The following DUSP16 variants were observed in gnomAD, a reference collection of about 807,000 sequenced individuals.
DUSP16 encodes the protein dual specificity protein phosphatase 16.
DUSP16 carries 21 observed loss-of-function variants against 58.3 expected under a neutral mutation model. The ratio of observed to expected loss-of-function variants is 0.36; its 90% CI spans 0.26 to 0.52. DUSP16 has a LOEUF of 0.52. DUSP16 is among the 20% of genes least tolerant of loss of function. DUSP16 has a pLI of 0.94. For missense variants in DUSP16, 726 were observed against 819.0 expected, an observed-to-expected ratio of 0.89 and a Z score of 1.39; for synonymous variants, 320 against 323.8, an observed-to-expected ratio of 0.99 and a Z score of 0.12.
chr12:12,526,692 C>T (rs922999795), intron 1 of DUSP16, among the ~76,000 whole-genome samples: 22 of 152,174 alleles, frequency 1.4e-4, no homozygotes, highest in African/African-American at 5.1e-4. Context: ...GGATCTTCTT[C>T]TGCTTCCCAG....
chr12:12,561,505 C>G (rs1944902035), intron 1 of DUSP16, among the ~76,000 whole-genome samples: 1 of 152,186 alleles, frequency 6.6e-6, no homozygotes, highest in African/African-American at 2.4e-5. Context: ...CGTTTTGCAG[C>G]TAGTGTAAAT....
chr12:12,503,176 T>C (rs1315794850), intron 3 of DUSP16, among the ~76,000 whole-genome samples: 4 of 152,098 alleles, frequency 2.6e-5, no homozygotes, highest in Non-Finnish European at 5.9e-5. Context: ...CAAAAGTATT[T>C]TGTGCCTGGC....
Position 12,500,456 on chromosome 12 carries a change from A to G in DUSP16, c.531+63T>C, listed in dbSNP as rs1366774345. The stretch of plus-strand genomic sequence containing the variant: ...GTGTGTTTCAAATGACATAATGGGT[A>G]ACTGCTGTTTCTCCAGCTAACAATA... On this transcript the variant is annotated intron_variant, in intron 4 of 6. Coordinates refer to ENST00000298573, the MANE Select transcript of DUSP16 (RefSeq NM_030640.3). 2.0e-6 allele frequency: 3 copies of G among 1,501,990 alleles called. No individual in the cohort carries two copies. In the East Asian group the frequency reaches 7.4e-5, roughly 37 times the overall value. 93.0% of individuals were successfully genotyped at this position (1,501,990 alleles called of 1,614,324 possible).
At chr12:12,520,122 T>C (rs916278951) in intron 2 of DUSP16, 122 bp from the exon 3 acceptor site, 1 of 1,036,446 alleles carries the variant, frequency 9.6e-7, no homozygotes, top group African/African-American at 1.6e-5. Flanking sequence ...CAATTAATAA[T>C]TTGAATAAAA....
chr12:12,478,076 T>C, intron 6 of DUSP16, 61 bp from the exon 7 acceptor site: 1 of 1,341,538 alleles, frequency 7.5e-7, no homozygotes, highest in Non-Finnish European at 1.0e-6. Context: ...CTTAAGAATA[T>C]TAAGTGAATA....
At chr12:12,547,026 T>C (rs769893828) in intron 1 of DUSP16, among the ~76,000 whole-genome samples, 1 of 152,194 alleles carries the variant, frequency 6.6e-6, no homozygotes, top group Non-Finnish European at 1.5e-5. Context: ...GGACAACAAA[T>C]AAATCAGTTT....
Position 12,497,657 on chromosome 12 carries a change from G to T in DUSP16, c.531+2862C>A, listed in dbSNP as rs532436013. Among the ~76,000 whole-genome samples the T allele has an allele frequency of 8.9e-4, 128 of 144,610 alleles. 1 individual carries two copies. Among genetic ancestry groups the T allele is most frequent in the Admixed American group, 3.7e-3 (51 of 13,852 alleles). The allele number at this position is 144,610 out of a possible 152,430, so 94.9% of individuals were successfully genotyped here. ...GACATGCTTCTAACATATTTTGGTG[G>T]CACTTCATTTAAAAAAAAAAAAAAG... is the stretch of plus-strand genomic sequence containing the variant. On this transcript the variant is annotated intron_variant, in intron 4 of 6. Coordinates refer to ENST00000298573, the MANE Select transcript of DUSP16 (RefSeq NM_030640.3).
intron 3 of DUSP16, among the ~76,000 whole-genome samples, chr12:12,517,041 C>T (rs111365151): frequency 6.6e-6 from 1 of 152,210 alleles, no homozygotes; most frequent in Non-Finnish European, 1.5e-5. Flanking sequence ...AGGAAAAGAG[C>T]TCGTTAAGAT....
intron 1 of DUSP16, among the ~76,000 whole-genome samples, chr12:12,546,602 A>G (rs954502672): frequency 1.3e-5 from 2 of 152,188 alleles, no homozygotes; most frequent in Non-Finnish European, 1.5e-5. Context: ...AAAGCAATAT[A>G]GATGTCACAG....
At chr12:12,520,786 CTACT>C in intron 2 of DUSP16, 81 bp downstream of exon 2, 1 of 1,486,428 alleles carries the variant, frequency 6.7e-7, no homozygotes, top group South Asian at 1.3e-5. Context: ...ATTACTTTCT[CTACT>C]TAAAGAGGAG....
Position 12,521,274 on chromosome 12 carries a change from T to A in DUSP16, c.-176A>T. 1 of 1,438,768 alleles carries A rather than the reference T, an allele frequency of 7.0e-7. No individual in the cohort carries two copies. Among genetic ancestry groups the A allele is most frequent in the Non-Finnish European group, 9.1e-7 (1 of 1,100,636 alleles). The allele number at this position is 1,438,768 out of a possible 1,614,324, so 89.1% of individuals were successfully genotyped here. On this transcript the variant is annotated 5_prime_UTR_variant, in exon 2 of 7. Transcript: ENST00000298573. ...TCAGCAAGAGCCCTCCAAGTGAATGTCTCTTTCTCTTTCCCGTTGATGTGC... is the reference window on the plus strand; with the variant it reads ...TCAGCAAGAGCCCTCCAAGTGAATGACTCTTTCTCTTTCCCGTTGATGTGC...
chr12:12,480,192 C>A (rs1379925485), intron 6 of DUSP16, 31 bp downstream of exon 6: 2 of 1,607,362 alleles, frequency 1.2e-6, no homozygotes, highest in Admixed American at 3.4e-5. Flanking sequence ...AAATGAAAAG[C>A]CAATCACAGA....
In DUSP16 at chr12:12,500,629, T is replaced by C. The variant is rs1943894663; in HGVS notation, c.421A>G (p.Thr141Ala). The change falls in exon 4 of 7, where the codon ACT becomes GCT. Residue 141 changes from threonine to alanine, a missense_variant. By Grantham distance (58) the Thr-to-Ala change is moderately conservative (BLOSUM62 0). Coordinates refer to ENST00000298573, the MANE Select transcript of DUSP16 (RefSeq NM_030640.3). ...TGAGAAATGCAGGTAGGGACTAGAG[T>C]GGATTTTCCTTCACAGAGGCCAGGG... is the stretch of plus-strand genomic sequence containing the variant. ...CFPGLCEGKS[T>A]LVPTCISQPC... 1.2e-6 allele frequency: 2 copies of C among 1,607,008 alleles called. No homozygotes were observed. The highest frequency in any genetic ancestry group is 2.7e-5 in the African/African-American group (2 of 74,598).
intron 1 of DUSP16, among the ~76,000 whole-genome samples, chr12:12,528,563 A>C (rs1944337367): frequency 6.6e-6 from 1 of 152,226 alleles, no homozygotes. Context: ...CTGCCAAATC[A>C]CTATAATTCA....
At chr12:12,497,281 G>A (rs534173296) in intron 4 of DUSP16, among the ~76,000 whole-genome samples, 11 of 152,244 alleles carry the variant, frequency 7.2e-5, no homozygotes, top group South Asian at 6.2e-4. Context: ...TCTGTTGGAC[G>A]GTACTGGTAT....
At chr12:12,502,991 G>C (rs569260102) in intron 3 of DUSP16, among the ~76,000 whole-genome samples, 61 of 152,262 alleles carry the variant, frequency 4.0e-4, no homozygotes, top group African/African-American at 1.4e-3. Flanking sequence ...TCATACAGCA[G>C]AGGAAGTAAG....
chr12:12,513,610 C>T lies in DUSP16; in HGVS notation c.367+6252G>A, dbSNP rs115138919. 3.9e-3 allele frequency among the ~76,000 whole-genome samples: 589 copies of T among 152,192 alleles called. 3 individuals are homozygous for T. Among genetic ancestry groups the T allele is most frequent in the African/African-American group, 0.013 (560 of 41,524 alleles). ...CTGTGGTTCATTTATGGTTTTCTCC[C>T]GCAATCGCTGTAGGGTTATTCTGTG... On this transcript the variant is annotated intron_variant, in intron 3 of 6. Coordinates refer to ENST00000298573, the MANE Select transcript of DUSP16 (RefSeq NM_030640.3).
At chr12:12,541,287 T>A (rs1944556838) in intron 1 of DUSP16, among the ~76,000 whole-genome samples, 1 of 151,966 alleles carries the variant, frequency 6.6e-6, no homozygotes, top group South Asian at 2.1e-4. Context: ...TGGCACTGAT[T>A]TTAGAGGGAA....
At position 12,476,018 on chromosome 12, in the gene DUSP16, G is replaced by C. The variant is rs577392502; in HGVS notation, c.*815C>G. The C allele has an allele frequency of 2.0e-5, 3 of 152,330 alleles. No individual in the cohort carries two copies. The East Asian group carries it at 5.8e-4, about 29-fold the overall frequency. The allele number at this position is 152,330 out of a possible 1,614,324, so 9.4% of individuals were successfully genotyped here. A position where few individuals can be genotyped will look rare whatever the true frequency, so the allele number is the denominator to read the frequency against. On this transcript the variant is annotated 3_prime_UTR_variant, in exon 7 of 7. Coordinates refer to ENST00000298573, the MANE Select transcript of DUSP16 (RefSeq NM_030640.3). ...TTAGCTTAAATCGTGATGTTGCCAG[G>C]TTCCTGGTGGTTCAGCTGAATCCTA...
Sources: gnomAD v4.1 joint callset for allele counts (sites outside exome capture counted in the v4.1 genomes callset) on GRCh38, gnomAD v4.1.1 for gene constraint, MANE v1.5 for transcripts, NCBI Gene and HGNC (gene_info 2026-07-23, HGNC 2026-07-21) for gene names.